CDH12: variants seen among roughly 807,000 people sequenced by gnomAD.
CDH12 encodes the protein cadherin-12.
CDH12 carries 41 observed loss-of-function variants against 74.1 expected under a neutral mutation model. The observed-to-expected ratio is 0.55, with a 90% CI of 0.43 to 0.72. CDH12 has a LOEUF of 0.72. Ranked by LOEUF, CDH12 falls within the 30% of genes least tolerant of loss-of-function variation. The probability of loss-of-function intolerance (pLI) is 0.00; values close to 1 mark genes in which losing one functional copy is unlikely to be tolerated. For missense variants in CDH12, 945 were observed against 977.2 expected, an observed-to-expected ratio of 0.97 and a Z score of 0.44; for synonymous variants, 399 against 355.0, an observed-to-expected ratio of 1.12 and a Z score of -1.39.
chr5:21,821,455 A>G (rs1748367049), intron 8 of CDH12, among the ~76,000 whole-genome samples: 1 of 151,948 alleles, frequency 6.6e-6, no homozygotes, highest in Admixed American at 6.6e-5. Context: ...TAAAAAGAAG[A>G]TAAAATAATC....
chr5:22,219,394 A>G (rs4518351), intron 3 of CDH12, among the ~76,000 whole-genome samples: 56,531 of 151,400 alleles, frequency 0.37, 11,476 homozygotes, highest in Admixed American at 0.48. Flanking sequence ...TGAATACCAT[A>G]TTTCATTCTC....
At chr5:22,090,500 AAAG>A (rs1048540716) in intron 4 of CDH12, among the ~76,000 whole-genome samples, 12 of 151,506 alleles carry the variant, frequency 7.9e-5, no homozygotes, top group African/African-American at 2.7e-4. Context: ...AAAAAAAAAA[AAAG>A]AAGTTGAGGG....
intron 6 of CDH12, among the ~76,000 whole-genome samples, chr5:21,922,207 GTTTA>G (rs1359977911): frequency 6.6e-6 from 1 of 152,000 alleles, no homozygotes; most frequent in Non-Finnish European, 1.5e-5. Flanking sequence ...GAATGTATTT[GTTTA>G]TTTCTCTCTT....
intron 4 of CDH12, among the ~76,000 whole-genome samples, chr5:22,132,230 C>T (rs535040005): frequency 6.6e-6 from 1 of 151,434 alleles, no homozygotes; most frequent in African/African-American, 2.4e-5. Flanking sequence ...GAGGGATGTA[C>T]CAGTTTAGTT....
chr5:22,584,546 T>A (rs1412765156), intron 1 of CDH12, among the ~76,000 whole-genome samples: 3 of 152,168 alleles, frequency 2.0e-5, no homozygotes, highest in Non-Finnish European at 4.4e-5. Context: ...TTGTTTTGAA[T>A]TTTTTTGTGT....
chr5:22,324,876 G>A (rs973260671), intron 3 of CDH12, among the ~76,000 whole-genome samples: 3 of 152,116 alleles, frequency 2.0e-5, no homozygotes, highest in Non-Finnish European at 2.9e-5. Flanking sequence ...AGGAAAATTA[G>A]AGGTCAGTTT....
At chr5:22,020,266 A>G (rs1031901419) in intron 5 of CDH12, among the ~76,000 whole-genome samples, 1 of 152,110 alleles carries the variant, frequency 6.6e-6, no homozygotes, top group Non-Finnish European at 1.5e-5. Context: ...TAAGAAGTCC[A>G]ATTATGGCTG....
At chr5:22,244,307 T>C (rs1452907761) in intron 3 of CDH12, among the ~76,000 whole-genome samples, 1 of 151,654 alleles carries the variant, frequency 6.6e-6, no homozygotes, top group African/African-American at 2.4e-5. Flanking sequence ...CTGACTAACA[T>C]GGTGAAACCC....
At chr5:22,624,710 T>C (rs1738177066) in intron 1 of CDH12, among the ~76,000 whole-genome samples, 1 of 152,216 alleles carries the variant, frequency 6.6e-6, no homozygotes, top group Admixed American at 6.5e-5. Flanking sequence ...ACACAGTTGG[T>C]GGGATTGTAA....
intron 1 of CDH12, among the ~76,000 whole-genome samples, chr5:22,628,028 G>C (rs1738389822): frequency 4.0e-5 from 6 of 151,744 alleles, no homozygotes; most frequent in Admixed American, 3.9e-4. Context: ...ATGGTAAAGG[G>C]CTCAACTCAA....
chr5:22,269,470 C>A (rs887719368), intron 3 of CDH12, among the ~76,000 whole-genome samples: 10 of 152,106 alleles, frequency 6.6e-5, no homozygotes, highest in African/African-American at 2.2e-4. Flanking sequence ...GCATTTCTTT[C>A]TCCATATATA....
chr5:22,708,041 GGCA>G (rs1469530732), intron 1 of CDH12, among the ~76,000 whole-genome samples: 1 of 152,048 alleles, frequency 6.6e-6, no homozygotes, highest in Admixed American at 6.6e-5. Flanking sequence ...ATATTGAGGT[GGCA>G]GTGAATTTCT....
chr5:21,874,846 C>T (rs1185232659), intron 6 of CDH12, among the ~76,000 whole-genome samples: 1 of 152,162 alleles, frequency 6.6e-6, no homozygotes, highest in African/African-American at 2.4e-5. Flanking sequence ...CAGCTGAGTG[C>T]CTGGGGTTCC....
At chr5:22,552,278 C>CA (rs910535146) in intron 1 of CDH12, among the ~76,000 whole-genome samples, 5 of 151,912 alleles carry the variant, frequency 3.3e-5, no homozygotes, top group African/African-American at 1.2e-4. Flanking sequence ...TTTTTTAAAA[C>CA]AAAACAAAAC....
At chr5:21,935,101 A>G (rs1319515770) in intron 6 of CDH12, among the ~76,000 whole-genome samples, 1 of 151,496 alleles carries the variant, frequency 6.6e-6, no homozygotes, top group African/African-American at 2.4e-5. Context: ...TCTCCTTTCA[A>G]TTCTTTCTCT....
intron 5 of CDH12, among the ~76,000 whole-genome samples, chr5:21,992,648 T>G (rs2150136680): frequency 6.6e-6 from 1 of 152,260 alleles, no homozygotes; most frequent in South Asian, 2.1e-4. Flanking sequence ...AAAAAAAAAT[T>G]AGTTTTCTTA....
At chr5:22,114,155 T>C (rs147100330) in intron 4 of CDH12, among the ~76,000 whole-genome samples, 13 of 152,250 alleles carry the variant, frequency 8.5e-5, no homozygotes, top group Non-Finnish European at 2.9e-5. Context: ...CTATACCTAG[T>C]TGGGGTCTCA....
chr5:22,677,319 G>C (rs993770667), intron 1 of CDH12, among the ~76,000 whole-genome samples: 2 of 152,102 alleles, frequency 1.3e-5, no homozygotes, highest in African/African-American at 4.8e-5. Flanking sequence ...CAGTTACAGA[G>C]CCTGGGAAGT....
At chr5:21,856,515 T>C (rs1445889913) in intron 6 of CDH12, among the ~76,000 whole-genome samples, 3 of 151,836 alleles carry the variant, frequency 2.0e-5, no homozygotes, top group African/African-American at 7.2e-5. Flanking sequence ...AAGAAATATT[T>C]AGTGAAAAAC....
Sources: allele counts gnomAD v4.1 joint callset (sites outside exome capture counted in the v4.1 genomes callset), GRCh38; gene constraint gnomAD v4.1.1; transcripts MANE v1.5; gene names NCBI Gene and HGNC (gene_info 2026-07-23, HGNC 2026-07-21).